Variants in MACROD2 observed in about 807,000 individuals in gnomAD.
MACROD2 encodes the protein ADP-ribose glycohydrolase MACROD2.
MACROD2 carries 36 observed loss-of-function variants against 70.4 expected under a neutral mutation model. The ratio of observed to expected loss-of-function variants is 0.51; its 90% CI spans 0.39 to 0.68. The LOEUF is 0.68. MACROD2 is among the 30% of genes least tolerant of loss of function. The pLI, the probability that MACROD2 is intolerant of heterozygous loss-of-function variation, is 0.00. For missense variants in MACROD2, 496 were observed against 538.4 expected, an observed-to-expected ratio of 0.92 and a Z score of 0.78; for synonymous variants, 172 against 178.8, an observed-to-expected ratio of 0.96 and a Z score of 0.30.
In MACROD2 at chr20:15,451,451, C is replaced by A. The variant is rs188063251; in HGVS notation, c.571+20016C>A. The stretch of plus-strand genomic sequence containing the variant: ...AAAAAAAAAAAAAAAAAAGAGTCAC[C>A]TTTGGCCCTTTCTTCATCTTTGAAA... On this transcript the variant is annotated intron_variant, in intron 7 of 17. Transcript: ENST00000684519. 1.3e-3 allele frequency among the ~76,000 whole-genome samples: 188 copies of A among 146,556 alleles called. 1 individual carries two copies. Among genetic ancestry groups the A allele is most frequent in the African/African-American group, 4.6e-3 (183 of 40,170 alleles).
At chr20:15,585,568 A>T (rs1329323348) in intron 8 of MACROD2, among the ~76,000 whole-genome samples, 1 of 152,092 alleles carries the variant, frequency 6.6e-6, no homozygotes, top group Non-Finnish European at 1.5e-5. Context: ...CCCTAGGAGC[A>T]TCACTCATCC....
chr20:14,545,050 C>T (rs371559210), intron 4 of MACROD2, among the ~76,000 whole-genome samples: 9 of 152,214 alleles, frequency 5.9e-5, no homozygotes, highest in South Asian at 2.1e-4. Context: ...ATGATGATGA[C>T]GATGAGACCA....
chr20:15,169,708 G>C (rs1321520397), intron 5 of MACROD2, among the ~76,000 whole-genome samples: 1 of 151,992 alleles, frequency 6.6e-6, no homozygotes, highest in Non-Finnish European at 1.5e-5. Context: ...TCTTTTTATT[G>C]CTATGCACTT....
intron 5 of MACROD2, among the ~76,000 whole-genome samples, chr20:14,812,903 C>A (rs1170941385): frequency 6.6e-6 from 1 of 152,052 alleles, no homozygotes; most frequent in Non-Finnish European, 1.5e-5. Flanking sequence ...CAGTAGCAAG[C>A]CCCAGGTTAT....
chr20:14,235,241 A>T (rs867878779), intron 3 of MACROD2, among the ~76,000 whole-genome samples: 15 of 152,374 alleles, frequency 9.8e-5, no homozygotes, highest in African/African-American at 3.6e-4. Flanking sequence ...AAAGCCTAAA[A>T]TTATAGTAGA....
chr20:14,327,427 A>G lies in MACROD2; in HGVS notation c.272-166052A>G, dbSNP rs1424889681. On this transcript the variant is annotated intron_variant, in intron 3 of 17. Coordinates refer to ENST00000684519, the MANE Select transcript of MACROD2 (RefSeq NM_001351661.2). The stretch of plus-strand genomic sequence containing the variant: ...ACACACAGATGGACAGGATTTAGCC[A>G]TAACTGATAGAGGTGCTACTTGAAG... 2.5e-6 allele frequency: 4 copies of G among 1,613,542 alleles called. No homozygotes were observed. Among genetic ancestry groups the G allele is most frequent in the East Asian group, 2.2e-5 (1 of 44,866 alleles).
Position 15,799,636 on chromosome 20 carries a change from G to A in MACROD2, c.646-63109G>A, listed in dbSNP as rs543613533. Among the ~76,000 whole-genome samples the A allele has an allele frequency of 9.6e-4, 146 of 152,222 alleles. 1 individual carries two copies. Among genetic ancestry groups the A allele is most frequent in the African/African-American group, 3.2e-3 (132 of 41,538 alleles). On this transcript the variant is annotated intron_variant, in intron 8 of 17. Coordinates refer to ENST00000684519, the MANE Select transcript of MACROD2 (RefSeq NM_001351661.2). ...AATAACAGAATTTCATTATTTTTAT[G>A]ACAGAACAGTATTCCATTGTGTATA...
At chr20:14,630,850 T>C (rs966866564) in intron 4 of MACROD2, among the ~76,000 whole-genome samples, 2 of 152,198 alleles carry the variant, frequency 1.3e-5, no homozygotes, top group African/African-American at 2.4e-5. Context: ...TTTATTTGAA[T>C]CTAACACTTT....
chr20:15,594,137 A>G (rs1046888606), intron 8 of MACROD2, among the ~76,000 whole-genome samples: 1 of 152,172 alleles, frequency 6.6e-6, no homozygotes, highest in Non-Finnish European at 1.5e-5. Context: ...CCATCCCTAC[A>G]TGCAATAAGA....
intron 3 of MACROD2, chr20:14,086,111 C>A: frequency 3.7e-6 from 1 of 267,222 alleles, no homozygotes; most frequent in Non-Finnish European, 7.7e-6. Context: ...AATAGGTTGT[C>A]AGGTGATGAT....
intron 8 of MACROD2, among the ~76,000 whole-genome samples, chr20:15,729,100 C>T (rs1054048457): frequency 6.6e-6 from 1 of 152,110 alleles, no homozygotes; most frequent in Non-Finnish European, 1.5e-5. Context: ...CCATTAGTTT[C>T]AAAGAGTTTC....
At chr20:15,325,838 C>T (rs779872951) in intron 6 of MACROD2, among the ~76,000 whole-genome samples, 4 of 152,138 alleles carry the variant, frequency 2.6e-5, no homozygotes, top group Admixed American at 6.6e-5. Flanking sequence ...CATACAAGAG[C>T]TGCTTAATGA....
intron 4 of MACROD2, among the ~76,000 whole-genome samples, chr20:14,526,016 G>A (rs1333671823): frequency 1.3e-5 from 2 of 152,112 alleles, no homozygotes; most frequent in Non-Finnish European, 1.5e-5. Context: ...GAGTAAGGCC[G>A]ATATCGGAAT....
Position 15,918,211 on chromosome 20 carries a change from C to T in MACROD2, c.776-15065C>T, listed in dbSNP as rs534548989. Among the ~76,000 whole-genome samples, 17 of 152,182 alleles carry T rather than the reference C, an allele frequency of 1.1e-4. No homozygotes were observed. The East Asian group carries it at 1.4e-3, about 12-fold the overall frequency. On this transcript the variant is annotated intron_variant, in intron 10 of 17. Transcript: ENST00000684519. The stretch of plus-strand genomic sequence containing the variant: ...GACCAAAAAATCATAATTTAATTGG[C>T]GTTAATAGGACAGACTTTGAAGGGT...
At chr20:15,207,120 C>T (rs1205628673) in intron 5 of MACROD2, among the ~76,000 whole-genome samples, 1 of 152,088 alleles carries the variant, frequency 6.6e-6, no homozygotes, top group African/African-American at 2.4e-5. Flanking sequence ...ACAATTAGTT[C>T]TTCCATTCTC....
chr20:14,606,264 T>C (rs1419018599), intron 4 of MACROD2, among the ~76,000 whole-genome samples: 2 of 152,188 alleles, frequency 1.3e-5, no homozygotes, highest in African/African-American at 4.8e-5. Flanking sequence ...TGTGCTGTTA[T>C]TGTATGAGTG....
chr20:14,982,636 G>T (rs2074811453), intron 5 of MACROD2, among the ~76,000 whole-genome samples: 1 of 152,220 alleles, frequency 6.6e-6, no homozygotes. Context: ...CTCAAGCCTT[G>T]GCAGCTTCCA....
intron 6 of MACROD2, among the ~76,000 whole-genome samples, chr20:15,423,782 T>G (rs561050644): frequency 1.2e-4 from 18 of 152,062 alleles, no homozygotes; most frequent in African/African-American, 4.3e-4. Flanking sequence ...ATTTAGGGCA[T>G]GGACACAACA....
intron 2 of MACROD2, among the ~76,000 whole-genome samples, chr20:14,015,957 G>A (rs1320291696): frequency 3.3e-5 from 5 of 152,100 alleles, no homozygotes; most frequent in African/African-American, 1.2e-4. Flanking sequence ...ATCTTTTTAA[G>A]TCCCTGTTTT....
Sources: gnomAD v4.1 joint callset for allele counts (sites outside exome capture counted in the v4.1 genomes callset) on GRCh38, gnomAD v4.1.1 for gene constraint, MANE v1.5 for transcripts, NCBI Gene and HGNC (gene_info 2026-07-23, HGNC 2026-07-21) for gene names.